Variants in KCNQ1 observed in about 807,000 individuals in gnomAD.
KCNQ1 encodes the protein potassium voltage-gated channel subfamily Q member 1, also known as potassium voltage-gated channel subfamily KQT member 1.
Under a neutral mutation model 72.4 loss-of-function variants are expected in KCNQ1, and 49 were observed. That is an observed-to-expected ratio of 0.68 (90% CI 0.54 to 0.86). The LOEUF (loss-of-function observed/expected upper bound fraction) is 0.86, where lower values mean the gene tolerates loss of function less well. Among genes scored for constraint, KCNQ1 ranks in the 40% least tolerant of loss-of-function variants. The pLI, the probability that KCNQ1 is intolerant of heterozygous loss-of-function variation, is 0.00. For synonymous variants in KCNQ1, 450 were observed against 412.6 expected, an observed-to-expected ratio of 1.09 and a Z score of -1.10; for missense variants, 790 against 945.1, an observed-to-expected ratio of 0.84 and a Z score of 2.15.
At position 2,778,042 on chromosome 11, in the gene KCNQ1, G is replaced by A. The variant is rs1232558756; in HGVS notation, c.1794+5G>A. 4 of 1,613,294 alleles carry A rather than the reference G, an allele frequency of 2.5e-6. No individual in the cohort carries two copies. In the East Asian group the frequency reaches 6.7e-5, roughly 27 times the overall value. ...CTGAACCGAGTAGAAGACAAGGTAG[G>A]CTCACGCGCCGGCCTGCGGTGGTTC... On this transcript the variant is annotated splice_donor_5th_base_variant and intron_variant, in intron 15 of 15. Coordinates refer to ENST00000155840, the MANE Select transcript of KCNQ1 (RefSeq NM_000218.3).
Position 2,665,125 on chromosome 11 carries a change from G to A in KCNQ1, c.1514+3044G>A, listed in dbSNP as rs972702761. On this transcript the variant is annotated intron_variant, in intron 11 of 15. Transcript: ENST00000155840. ...TGGCGTCGCTGCACCCCAGCCTATAGGTGGGCCCTACTGCTCAGCCTCAGG... is the reference window on the plus strand; with the variant it reads ...TGGCGTCGCTGCACCCCAGCCTATAAGTGGGCCCTACTGCTCAGCCTCAGG... The A allele has an allele frequency of 9.8e-5, 39 of 398,624 alleles. No homozygotes were observed. The Admixed American group carries it at 1.6e-3, about 17-fold the overall frequency. The allele number at this position is 398,624 out of a possible 1,614,324, so 24.7% of individuals were successfully genotyped here.
intron 10 of KCNQ1, chr11:2,641,208 C>A: frequency 2.5e-6 from 1 of 398,350 alleles, no homozygotes; most frequent in South Asian, 1.3e-4. Context: ...TGGATTATGT[C>A]ATATTTCTCT....
chr11:2,537,390 TA>T lies in KCNQ1; in HGVS notation c.477+9373del, dbSNP rs1847750579. ...GGATAATTTTGGAAAGAGCAGTTGC[TA>T]GGGGCATTTAAACTTGCAGTCGAAT... On this transcript the variant is annotated intron_variant, in intron 2 of 15. Coordinates refer to ENST00000155840, the MANE Select transcript of KCNQ1 (RefSeq NM_000218.3). The surrounding 1 kb of genome is among the most constrained non-coding windows in gnomAD (Gnocchi z 5.2). Among the ~76,000 whole-genome samples, 1 of 152,128 alleles carries T rather than the reference TA, an allele frequency of 6.6e-6. No individual in the cohort carries two copies. Among genetic ancestry groups the T allele is most frequent in the Admixed American group, 6.5e-5 (1 of 15,286 alleles).
At chr11:2,584,719 TG>T (rs1374873245) in intron 7 of KCNQ1, among the ~76,000 whole-genome samples, 1 of 128,282 alleles carries the variant, frequency 7.8e-6, no homozygotes, top group Non-Finnish European at 1.7e-5. Context: ...GCATATCTAT[TG>T]TGTGTGTGTG....
chr11:2,796,696 G>C (rs1379448780), intron 15 of KCNQ1, among the ~76,000 whole-genome samples: 1 of 152,212 alleles, frequency 6.6e-6, no homozygotes, highest in Non-Finnish European at 1.5e-5. Context: ...TGCAGGCGGT[G>C]GACAGACCCA....
In KCNQ1 at chr11:2,627,454, T is replaced by G. The variant is rs143268699; in HGVS notation, c.1394-34507T>G. On this transcript the variant is annotated intron_variant, in intron 10 of 15. Coordinates refer to ENST00000155840, the MANE Select transcript of KCNQ1 (RefSeq NM_000218.3). The surrounding 1 kb of genome is among the most constrained non-coding windows in gnomAD (Gnocchi z 4.9). Reference sequence around the variant, plus strand: ...GTTTGTACCCTTCAACATTTCCTATTTCCCCTACTCCCTGACCCCTAGTAA... The same window carrying G: ...GTTTGTACCCTTCAACATTTCCTATGTCCCCTACTCCCTGACCCCTAGTAA... 3 of 398,532 alleles carry G rather than the reference T, an allele frequency of 7.5e-6. No homozygotes were observed. The highest frequency in any genetic ancestry group is 6.2e-5 in the African/African-American group (3 of 48,736). 24.7% of individuals were successfully genotyped at this position (398,532 alleles called of 1,614,324 possible). A position where few individuals can be genotyped will look rare whatever the true frequency, so the allele number is the denominator to read the frequency against.
intron 2 of KCNQ1, among the ~76,000 whole-genome samples, chr11:2,539,863 G>T (rs956820230): frequency 2.6e-5 from 4 of 152,250 alleles, no homozygotes; most frequent in Admixed American, 1.3e-4. Context: ...TTCGGTGGGG[G>T]TCTCTGGTGC....
rs540301248 is a variant in KCNQ1, at chr11:2,541,463, C to T, written c.477+13445C>T. Among the ~76,000 whole-genome samples, 81 of 152,152 alleles carry T rather than the reference C, an allele frequency of 5.3e-4. No homozygotes were observed. The highest frequency in any genetic ancestry group is 1.9e-3 in the African/African-American group (78 of 41,518). On this transcript the variant is annotated intron_variant, in intron 2 of 15. Coordinates refer to ENST00000155840, the MANE Select transcript of KCNQ1 (RefSeq NM_000218.3). The surrounding 1 kb of genome is among the most constrained non-coding windows in gnomAD (Gnocchi z 4.8). ...GAGGGTCAGGGATGGCTGCTGTCCT[C>T]GGGGGAGGGACTGAGCTGGGCCCTT...
chr11:2,447,612 G>C lies in KCNQ1; in HGVS notation c.386+2128G>C, dbSNP rs1282079014. On this transcript the variant is annotated intron_variant, in intron 1 of 15. Transcript: ENST00000155840. This position sits in a 1 kb window ranked among gnomAD's most constrained non-coding sequence, Gnocchi z 7.6. ...GAACCAGGATGGCAGAGTAGCTGGA[G>C]GCCACCTGCAGCCTCACGAAATCAG... 6.6e-6 allele frequency among the ~76,000 whole-genome samples: 1 copy of C among 152,152 alleles called. No individual in the cohort carries two copies. The highest frequency in any genetic ancestry group is 1.5e-5 in the Non-Finnish European group (1 of 68,016).
rs146902040 is a variant in KCNQ1 at position 2,488,205 on chromosome 11, G to A, written c.387-39723G>A. 2.7e-3 allele frequency among the ~76,000 whole-genome samples: 409 copies of A among 152,204 alleles called. 4 individuals carry two copies. In the South Asian group the frequency reaches 0.033, roughly 12 times the overall value. On this transcript the variant is annotated intron_variant, in intron 1 of 15. Transcript: ENST00000155840. The surrounding 1 kb of genome is among the most constrained non-coding windows in gnomAD (Gnocchi z 5.1). ...TATGTTGAACCATCCTTGCATTCCAGGACTAAATCTCACATGGTCATGATA... is the reference window on the plus strand; with the variant it reads ...TATGTTGAACCATCCTTGCATTCCAAGACTAAATCTCACATGGTCATGATA...
In KCNQ1 at chr11:2,748,748, G is replaced by A. The variant is rs767928899; in HGVS notation, c.1515-20096G>A. The stretch of plus-strand genomic sequence containing the variant: ...TGGGCCTCAAGACCATCTGTCACGT[G>A]ACAGGGGCAGGCTAGGCCTTTCTTG... On this transcript the variant is annotated intron_variant, in intron 11 of 15. Coordinates refer to ENST00000155840, the MANE Select transcript of KCNQ1 (RefSeq NM_000218.3). The surrounding 1 kb of genome is among the most constrained non-coding windows in gnomAD (Gnocchi z 6.2). Among the ~76,000 whole-genome samples the A allele has an allele frequency of 7.9e-5, 12 of 152,236 alleles. No individual in the cohort carries two copies. The highest frequency in any genetic ancestry group is 1.3e-4 in the Non-Finnish European group (9 of 68,048).
chr11:2,672,556 GC>G (rs1200359213), intron 11 of KCNQ1: 1 of 398,544 alleles, frequency 2.5e-6, no homozygotes, highest in East Asian at 3.6e-5. Flanking sequence ...TTGGAAGGTG[GC>G]CTTATCAAAC....
At chr11:2,689,164 G>A (rs1188476096) in intron 11 of KCNQ1, 1 of 398,632 alleles carries the variant, frequency 2.5e-6, no homozygotes, top group African/African-American at 2.1e-5. Context: ...TGGCTCAAGG[G>A]CCTGCTCCTC....
chr11:2,640,811 C>G, intron 10 of KCNQ1: 1 of 398,644 alleles, frequency 2.5e-6, no homozygotes, highest in Non-Finnish European at 4.4e-6. Context: ...ACCCACTAAC[C>G]AACCTCTCTT....
intron 15 of KCNQ1, among the ~76,000 whole-genome samples, chr11:2,807,355 C>T (rs1041518830): frequency 6.6e-6 from 1 of 152,136 alleles, no homozygotes; most frequent in Non-Finnish European, 1.5e-5. Context: ...GAAAAGCCCC[C>T]GCTTTGATGT....
intron 15 of KCNQ1, among the ~76,000 whole-genome samples, chr11:2,780,030 C>G (rs1329817480): frequency 6.6e-6 from 1 of 152,216 alleles, no homozygotes; most frequent in Non-Finnish European, 1.5e-5. Context: ...CATGCACAGC[C>G]CTGGTGGGCC....
intron 6 of KCNQ1, among the ~76,000 whole-genome samples, chr11:2,575,313 G>A (rs1848406303): frequency 6.6e-6 from 1 of 152,118 alleles, no homozygotes; most frequent in African/African-American, 2.4e-5. Flanking sequence ...CGGCCATCGC[G>A]CGCCCTGGCC....
chr11:2,671,541 T>C lies in KCNQ1; in HGVS notation c.1514+9460T>C, dbSNP rs1169402238. ...ATTTTTCAAAGGTTAATTTTGACTC[T>C]GCCTGACTTATCTCCTAAGTCTTTG... On this transcript the variant is annotated intron_variant, in intron 11 of 15. Transcript: ENST00000155840. The surrounding 1 kb of genome is among the most constrained non-coding windows in gnomAD (Gnocchi z 4.7). 7.5e-6 allele frequency: 3 copies of C among 398,666 alleles called. No individual in the cohort carries two copies. In the Admixed American group the frequency reaches 1.3e-4, roughly 18 times the overall value. 24.7% of individuals were successfully genotyped at this position (398,666 alleles called of 1,614,324 possible).
Position 2,711,211 on chromosome 11 carries a change from G to T in KCNQ1, c.1514+49130G>T, listed in dbSNP as rs995671184. 2.8e-4 allele frequency among the ~76,000 whole-genome samples: 42 copies of T among 152,206 alleles called. No homozygotes were observed. Among genetic ancestry groups the T allele is most frequent in the Admixed American group, 2.7e-3 (42 of 15,286 alleles). On this transcript the variant is annotated intron_variant, in intron 11 of 15. Transcript: ENST00000155840. The surrounding 1 kb of genome is among the most constrained non-coding windows in gnomAD (Gnocchi z 5.4). Reference sequence around the variant, plus strand: ...TACTTTGTAAATCCTACAGGGTTTTGTGTGACAGTGACTGGCAGCCATACT... The same window carrying T: ...TACTTTGTAAATCCTACAGGGTTTTTTGTGACAGTGACTGGCAGCCATACT...
Sources: allele counts gnomAD v4.1 joint callset (sites outside exome capture counted in the v4.1 genomes callset), GRCh38; gene constraint gnomAD v4.1.1; non-coding constraint Gnocchi (gnomAD v3.1); transcripts MANE v1.5; gene names NCBI Gene and HGNC (gene_info 2026-07-23, HGNC 2026-07-21).